The following PCLO variants were observed in gnomAD, a reference collection of about 807,000 sequenced individuals.
PCLO encodes protein piccolo.
PCLO carries 82 observed loss-of-function variants against 427.5 expected under a neutral mutation model. That is an observed-to-expected ratio of 0.19 (90% CI 0.16 to 0.23). The LOEUF is 0.23. Ranked by LOEUF, PCLO falls within the 10% of genes least tolerant of loss-of-function variation. The pLI, the probability that PCLO is intolerant of heterozygous loss-of-function variation, is 1.00. For synonymous variants in PCLO, 2,357 were observed against 2,155.4 expected (o/e 1.09, Z -2.59); for missense variants, 6,239 against 6,115.9 (o/e 1.02, Z -0.67).
At chr7:82,859,695 C>T (rs1792905405) in intron 10 of PCLO, among the ~76,000 whole-genome samples, 1 of 152,106 alleles carries the variant, frequency 6.6e-6, no homozygotes, top group African/African-American at 2.4e-5. Flanking sequence ...AATGCCCAGA[C>T]AGGAAAACAT....
At chr7:83,027,496 G>C (rs200220799) in intron 3 of PCLO, among the ~76,000 whole-genome samples, 1 of 146,800 alleles carries the variant, frequency 6.8e-6, no homozygotes, top group Non-Finnish European at 1.5e-5. Flanking sequence ...TCCAGGACCA[G>C]ATAGATTCAC....
intron 22 of PCLO, among the ~76,000 whole-genome samples, chr7:82,765,206 A>G (rs1176928609): frequency 1.3e-5 from 2 of 151,912 alleles, no homozygotes; most frequent in Non-Finnish European, 2.9e-5. Flanking sequence ...GAGTTAAAGA[A>G]ATGATCACAT....
intron 20 of PCLO, among the ~76,000 whole-genome samples, chr7:82,815,384 G>A (rs1195148689): frequency 6.6e-6 from 1 of 151,998 alleles, no homozygotes; most frequent in Non-Finnish European, 1.5e-5. Flanking sequence ...TTTATTAAAT[G>A]TCATTGGCAA....
At chr7:83,154,633 G>A (rs1792219828) in intron 2 of PCLO, 115 bp downstream of exon 2, 1 of 801,074 alleles carries the variant, frequency 1.2e-6, no homozygotes, top group African/African-American at 1.7e-5. Flanking sequence ...ACGAAGGAGG[G>A]GAGAATCCAG....
At chr7:82,889,310 A>C (rs1793703505) in intron 9 of PCLO, among the ~76,000 whole-genome samples, 1 of 152,144 alleles carries the variant, frequency 6.6e-6, no homozygotes, top group African/African-American at 2.4e-5. Context: ...CAGGACAGGC[A>C]GGAATCTCTC....
Position 83,155,946 on chromosome 7 carries a change from T to A in PCLO, c.695A>T (p.Gln232Leu). Residue 232 changes from glutamine to leucine, a missense_variant, in exon 2 of 25, where the codon CAG (glutamine) becomes CTG (leucine). Transcript: ENST00000333891. The stretch of plus-strand genomic sequence containing the variant: ...AGATATTGATTTGGGAGTGCCATCC[T>A]GCTGAAGCGGATCCCTACCAGGTCC... ...QQGPGRDPLQ[Q>L]DGTPKSISSQ... 6.2e-7 allele frequency: 1 copy of A among 1,613,882 alleles called. No homozygotes were observed. Among genetic ancestry groups the A allele is most frequent in the Non-Finnish European group, 8.5e-7 (1 of 1,179,826 alleles).
chr7:82,875,141 T>C (rs1793339318), intron 10 of PCLO, among the ~76,000 whole-genome samples: 1 of 152,166 alleles, frequency 6.6e-6, no homozygotes, highest in Non-Finnish European at 1.5e-5. Context: ...AAAATAAATG[T>C]TAAGATTTTG....
intron 3 of PCLO, among the ~76,000 whole-genome samples, chr7:83,081,985 G>T (rs975409190): frequency 2.6e-5 from 4 of 151,342 alleles, no homozygotes; most frequent in Non-Finnish European, 4.4e-5. Context: ...CATTAAACGG[G>T]AACAAGAAAT....
At chr7:82,958,219 T>C (rs1177685005) in intron 4 of PCLO, among the ~76,000 whole-genome samples, 1 of 152,112 alleles carries the variant, frequency 6.6e-6, no homozygotes, top group Non-Finnish European at 1.5e-5. Context: ...TGGCATGAGC[T>C]CTTCTGATCT....
intron 3 of PCLO, among the ~76,000 whole-genome samples, chr7:82,979,149 A>G (rs1020475798): frequency 6.6e-6 from 1 of 152,076 alleles, no homozygotes; most frequent in African/African-American, 2.4e-5. Context: ...TTTTCCTGTA[A>G]CTGTTTATAG....
At chr7:83,037,302 A>G (rs916651899) in intron 3 of PCLO, among the ~76,000 whole-genome samples, 1 of 152,096 alleles carries the variant, frequency 6.6e-6, no homozygotes, top group Non-Finnish European at 1.5e-5. Context: ...ATAAATAATA[A>G]CAAAACAGCG....
intron 3 of PCLO, among the ~76,000 whole-genome samples, chr7:83,130,339 C>T (rs376633031): frequency 2.6e-5 from 4 of 151,972 alleles, no homozygotes; most frequent in Admixed American, 2.0e-4. Context: ...ACCACCATGC[C>T]GGCTTTCTCA....
At position 82,966,001 on chromosome 7, in the gene PCLO, C is replaced by A; in HGVS notation, c.3787G>T (p.Asp1263Tyr). ...KTSAPEEQKHDLLKSQVQIAE... is the reference protein window; with the variant it reads ...KTSAPEEQKHYLLKSQVQIAE... ...ATTTGTACTTGAGATTTAAGTAAGT[C>A]ATGTTTCTGTTCTTCTGGGGCTGAT... is the stretch of plus-strand genomic sequence containing the variant. Residue 1263 changes from aspartate to tyrosine, a missense_variant, in exon 4 of 25, where the codon GAC becomes TAC. Around this residue, in one of 5 missense-constraint regions of PCLO, gnomAD observed 4,677 missense variants for 4,468.4 expected, o/e 1.05. Coordinates refer to ENST00000333891, the MANE Select transcript of PCLO (RefSeq NM_033026.6). 3 of 1,613,650 alleles carry A rather than the reference C, an allele frequency of 1.9e-6. No homozygotes were observed. The highest frequency in any genetic ancestry group is 2.5e-6 in the Non-Finnish European group (3 of 1,179,828).
chr7:82,839,948 C>T (rs902706115), intron 14 of PCLO, among the ~76,000 whole-genome samples: 2 of 151,754 alleles, frequency 1.3e-5, no homozygotes, highest in African/African-American at 4.8e-5. Flanking sequence ...GAAAATATCC[C>T]CCAAATTAAG....
chr7:82,845,524 T>C, intron 12 of PCLO, 39 bp from the exon 13 acceptor site: 1 of 1,352,080 alleles, frequency 7.4e-7, no homozygotes, highest in South Asian at 1.2e-5. Context: ...CTTCTCCATT[T>C]CATAGGTACT....
chr7:83,042,519 T>G (rs150038347), intron 3 of PCLO, among the ~76,000 whole-genome samples: 120 of 152,224 alleles, frequency 7.9e-4, no homozygotes, highest in African/African-American at 2.8e-3. Flanking sequence ...ATTCTTAACT[T>G]CATAAACAAG....
intron 9 of PCLO, among the ~76,000 whole-genome samples, chr7:82,887,840 C>T (rs184701726): frequency 2.6e-5 from 4 of 152,002 alleles, no homozygotes; most frequent in Non-Finnish European, 4.4e-5. Flanking sequence ...GAGGCCAAGG[C>T]GGGCTAATCA....
At chr7:82,905,405 T>C (rs1351489144) in intron 8 of PCLO, among the ~76,000 whole-genome samples, 2 of 151,982 alleles carry the variant, frequency 1.3e-5, no homozygotes, top group Non-Finnish European at 2.9e-5. Context: ...ATCCCTTCCC[T>C]CACTTAAATA....
intron 10 of PCLO, among the ~76,000 whole-genome samples, chr7:82,862,988 A>T (rs1475856352): frequency 2.6e-5 from 4 of 152,036 alleles, no homozygotes; most frequent in Non-Finnish European, 5.9e-5. Flanking sequence ...ATTTCAAAAT[A>T]ACCTAATGAG....
Sources: gnomAD v4.1 joint callset for allele counts (sites outside exome capture counted in the v4.1 genomes callset) on GRCh38, gnomAD v4.1.1 for gene constraint, gnomAD v4.1.1 regional missense constraint, MANE v1.5 for transcripts, NCBI Gene and HGNC (gene_info 2026-07-23, HGNC 2026-07-21) for gene names.